Variants in LINGO2 observed in about 807,000 individuals in gnomAD.
The protein encoded by LINGO2 is leucine-rich repeat and immunoglobulin-like domain-containing nogo receptor-interacting protein 2.
LINGO2 carries 14 observed loss-of-function variants against 30.6 expected under a neutral mutation model. That is an observed-to-expected ratio of 0.46 (90% CI 0.30 to 0.72). The LOEUF is 0.72. Ranked by LOEUF, LINGO2 falls within the 30% of genes least tolerant of loss-of-function variation. LINGO2 has a pLI of 0.07. For missense variants in LINGO2, 729 were observed against 751.7 expected (o/e 0.97, Z 0.35); for synonymous variants, 317 against 288.5 (o/e 1.10, Z -1.00).
upstream of LINGO2, among the ~76,000 whole-genome samples, chr9:28,674,964 T>C (rs1239993172): frequency 6.6e-6 from 1 of 152,186 alleles, no homozygotes; most frequent in Non-Finnish European, 1.5e-5. Flanking sequence ...CGGTCTCTCA[T>C]ACATCCAGTA....
At chr9:28,931,771 T>A in the LINGO2 span, among the ~76,000 whole-genome samples, 112,556 of 152,032 alleles carry the variant, frequency 0.74, 41,813 homozygotes, top group Non-Finnish European at 0.78. Flanking sequence ...TGTTGAGGCA[T>A]CACTTACAAA....
chr9:29,006,930 G>A, the LINGO2 span, among the ~76,000 whole-genome samples: 1 of 152,032 alleles, frequency 6.6e-6, no homozygotes, highest in Non-Finnish European at 1.5e-5. Flanking sequence ...AAATGGTGAT[G>A]GAAGCTGGGT....
intron 4 of LINGO2, among the ~76,000 whole-genome samples, chr9:28,157,465 A>T (rs571453628): frequency 1.1e-4 from 17 of 152,186 alleles, no homozygotes; most frequent in Non-Finnish European, 2.2e-4. Context: ...TGGGCCTGTG[A>T]TGCAAAGGGC....
At chr9:28,069,228 T>C (rs1825402061) in intron 4 of LINGO2, among the ~76,000 whole-genome samples, 1 of 152,142 alleles carries the variant, frequency 6.6e-6, no homozygotes, top group Admixed American at 6.6e-5. Flanking sequence ...AAGGGTTCGA[T>C]AGGCTGTCAG....
intron 4 of LINGO2, among the ~76,000 whole-genome samples, chr9:28,171,731 G>T (rs986017389): frequency 6.6e-6 from 1 of 151,886 alleles, no homozygotes. Context: ...CATCTCTGCC[G>T]GGTGTGGTGG....
intron 2 of LINGO2, among the ~76,000 whole-genome samples, chr9:28,470,245 T>A (rs1825468473): frequency 6.6e-6 from 1 of 152,216 alleles, no homozygotes; most frequent in Non-Finnish European, 1.5e-5. Flanking sequence ...GTTGTAAATT[T>A]GTTGTCATAT....
the LINGO2 span, among the ~76,000 whole-genome samples, chr9:29,121,142 T>C: frequency 6.6e-6 from 1 of 152,270 alleles, no homozygotes; most frequent in Non-Finnish European, 1.5e-5. Context: ...AATATAAAGA[T>C]GTTTGAAGCA....
At chr9:28,704,652 A>T in the LINGO2 span, among the ~76,000 whole-genome samples, 1 of 151,942 alleles carries the variant, frequency 6.6e-6, no homozygotes, top group Non-Finnish European at 1.5e-5. Context: ...GCACATCTTC[A>T]AGCTGAGAGA....
At chr9:28,040,697 C>G (rs1257966389) in intron 4 of LINGO2, among the ~76,000 whole-genome samples, 1 of 152,076 alleles carries the variant, frequency 6.6e-6, no homozygotes, top group Non-Finnish European at 1.5e-5. Flanking sequence ...AAATCTCAGA[C>G]AACATTCAAA....
the LINGO2 span, among the ~76,000 whole-genome samples, chr9:28,786,886 G>T: frequency 1.5e-4 from 23 of 152,100 alleles, no homozygotes; most frequent in Non-Finnish European, 1.2e-4. Context: ...CTCAGAAAAA[G>T]AATATCCTAT....
the LINGO2 span, among the ~76,000 whole-genome samples, chr9:29,124,420 A>T: frequency 0.24 from 36,576 of 152,092 alleles, 4,546 homozygotes; most frequent in East Asian, 0.4. Context: ...ATTGGATCTA[A>T]TTAAACTAAA....
chr9:28,791,447 T>C, the LINGO2 span, among the ~76,000 whole-genome samples: 2 of 152,110 alleles, frequency 1.3e-5, no homozygotes, highest in South Asian at 2.1e-4. Flanking sequence ...GTCAAACAAT[T>C]AGTAAACGAT....
chr9:28,404,021 G>A (rs1464091504), intron 2 of LINGO2, among the ~76,000 whole-genome samples: 1 of 151,562 alleles, frequency 6.6e-6, no homozygotes, highest in African/African-American at 2.4e-5. Context: ...ACCAAAGGAC[G>A]CCCACAACCT....
intron 3 of LINGO2, among the ~76,000 whole-genome samples, chr9:28,318,867 C>T (rs1334496319): frequency 1.3e-5 from 2 of 152,276 alleles, no homozygotes; most frequent in East Asian, 3.9e-4. Flanking sequence ...CTTGACAAAA[C>T]ACTACTTAAT....
chr9:29,025,648 T>C, the LINGO2 span, among the ~76,000 whole-genome samples: 1 of 152,182 alleles, frequency 6.6e-6, no homozygotes, highest in Non-Finnish European at 1.5e-5. Context: ...TACCTCACAG[T>C]TACCATTGCT....
chr9:28,572,335 A>G (rs948676772), intron 1 of LINGO2, among the ~76,000 whole-genome samples: 1 of 152,120 alleles, frequency 6.6e-6, no homozygotes, highest in South Asian at 2.1e-4. Flanking sequence ...TAGAGATAAC[A>G]TATTGAGGCA....
chr9:28,180,158 T>C (rs974010323), intron 4 of LINGO2, among the ~76,000 whole-genome samples: 2 of 152,100 alleles, frequency 1.3e-5, no homozygotes, highest in Non-Finnish European at 2.9e-5. Context: ...CTGTAAACCA[T>C]AGCAAGAAAG....
At chr9:28,548,209 C>T (rs1822053433) in intron 1 of LINGO2, among the ~76,000 whole-genome samples, 1 of 151,986 alleles carries the variant, frequency 6.6e-6, no homozygotes, top group South Asian at 2.1e-4. Context: ...GTTAGGTGTC[C>T]ATTCTTTGAT....
chr9:28,314,218 G>C (rs1011862348), intron 3 of LINGO2, among the ~76,000 whole-genome samples: 3 of 152,122 alleles, frequency 2.0e-5, no homozygotes, highest in Admixed American at 6.5e-5. Flanking sequence ...ACAGGCGTGA[G>C]CCACCGCGCC....
Sources: gnomAD v4.1 joint callset for allele counts (sites outside exome capture counted in the v4.1 genomes callset) on GRCh38, gnomAD v4.1.1 for gene constraint, MANE v1.5 for transcripts, NCBI Gene and HGNC (gene_info 2026-07-23, HGNC 2026-07-21) for gene names.